NIN: variants seen among roughly 807,000 people sequenced by gnomAD.
NIN encodes glycogen synthase kinase 3 beta-interacting protein.
NIN carries 137 observed loss-of-function variants against 257.6 expected under a neutral mutation model. The ratio of observed to expected loss-of-function variants is 0.53; its 90% CI spans 0.46 to 0.61. The LOEUF (loss-of-function observed/expected upper bound fraction) is 0.61, where lower values mean the gene tolerates loss of function less well. NIN is among the 20% of genes least tolerant of loss of function. NIN has a pLI of 0.00. For missense variants in NIN, 2,439 were observed against 2,501.2 expected (o/e 0.98, Z 0.53); for synonymous variants, 918 against 919.8 (o/e 1.00, Z 0.04).
chr14:50,815,520 C>T (rs1375907887), intron 3 of NIN, among the ~76,000 whole-genome samples: 1 of 152,060 alleles, frequency 6.6e-6, no homozygotes, highest in African/African-American at 2.4e-5. Context: ...TACCATTTGA[C>T]CCAGGAATCC....
intron 14 of NIN, among the ~76,000 whole-genome samples, chr14:50,764,566 T>TC (rs2042399736): frequency 6.6e-6 from 1 of 151,938 alleles, no homozygotes; most frequent in Non-Finnish European, 1.5e-5. Context: ...ATAGCCAAAA[T>TC]CCCCCAAATG....
chr14:50,729,495 A>T, intron 29 of NIN, 28 bp downstream of exon 29: 1 of 1,584,582 alleles, frequency 6.3e-7, no homozygotes, highest in Non-Finnish European at 8.6e-7. Context: ...TTAACAGGTG[A>T]TCTACTAGAG....
intron 28 of NIN, among the ~76,000 whole-genome samples, chr14:50,731,324 G>A (rs2040684712): frequency 6.6e-6 from 1 of 151,946 alleles, no homozygotes; most frequent in African/African-American, 2.4e-5. Flanking sequence ...GGGGTCAGGA[G>A]TTCAAGACCA....
chr14:50,784,778 A>G (rs2043272446), intron 5 of NIN, among the ~76,000 whole-genome samples: 1 of 152,236 alleles, frequency 6.6e-6, no homozygotes, highest in Non-Finnish European at 1.5e-5. Context: ...AACTACAGCT[A>G]TGAGCATGAT....
At chr14:50,821,139 T>A (rs2045196472) in intron 3 of NIN, among the ~76,000 whole-genome samples, 1 of 152,208 alleles carries the variant, frequency 6.6e-6, no homozygotes. Flanking sequence ...TAAATAGCTA[T>A]TAATTATAAA....
chr14:50,801,586 C>T lies in NIN; in HGVS notation c.265+5151G>A, dbSNP rs139153029. Among the ~76,000 whole-genome samples, 54 of 152,298 alleles carry T rather than the reference C, an allele frequency of 3.5e-4. 3 individuals are homozygous for T. The East Asian group carries it at 0.01, about 29-fold the overall frequency. ...CCAGACTTCAGTGCCTAACCCAAGG[C>T]CTCTGAACATAGTTATAAACACAAA... On this transcript the variant is annotated intron_variant, in intron 4 of 30. Coordinates refer to ENST00000530997, the MANE Select transcript of NIN (RefSeq NM_020921.4).
chr14:50,805,213 CATAGCTCTATT>C (rs2044269369), intron 4 of NIN, among the ~76,000 whole-genome samples: 1 of 151,754 alleles, frequency 6.6e-6, no homozygotes, highest in Non-Finnish European at 1.5e-5. Context: ...TGATGTCAAC[CATAGCTCTATT>C]CAGGCCCCCC....
intron 14 of NIN, among the ~76,000 whole-genome samples, chr14:50,765,063 TAA>T (rs781699626): frequency 3.1e-3 from 257 of 82,054 alleles, no homozygotes; most frequent in African/African-American, 9.9e-3. Context: ...TGTCTCTACT[TAA>T]AAAAAAAAAA....
intron 5 of NIN, among the ~76,000 whole-genome samples, chr14:50,784,809 C>T (rs1468892630): frequency 6.6e-6 from 1 of 152,222 alleles, no homozygotes; most frequent in Non-Finnish European, 1.5e-5. Context: ...AAGCAGTGAA[C>T]TTCCAATTCA....
At chr14:50,792,990 C>T (rs1030219284) in intron 4 of NIN, 109 bp from the exon 5 acceptor site, 15 of 1,078,190 alleles carry the variant, frequency 1.4e-5, no homozygotes, top group Admixed American at 2.2e-5. Flanking sequence ...AAATAAACCA[C>T]CACTGTTTGC....
At chr14:50,772,814 A>C (rs1026044077) in intron 8 of NIN, 135 bp downstream of exon 8, 2 of 756,098 alleles carry the variant, frequency 2.6e-6, no homozygotes, top group Admixed American at 3.0e-5. Context: ...CTAATGGTTA[A>C]GTCTTTCTAA....
chr14:50,762,595 G>C (rs1484616429), intron 15 of NIN, among the ~76,000 whole-genome samples: 3 of 152,174 alleles, frequency 2.0e-5, no homozygotes, highest in Non-Finnish European at 2.9e-5. Context: ...GCAGTTGTGG[G>C]TAGAAATTCT....
intron 4 of NIN, among the ~76,000 whole-genome samples, chr14:50,793,327 T>C (rs2043685174): frequency 6.6e-6 from 1 of 151,934 alleles, no homozygotes; most frequent in Non-Finnish European, 1.5e-5. Flanking sequence ...CATCAATTAG[T>C]CTGAAACACC....
At chr14:50,786,454 A>G (rs1320816774) in intron 5 of NIN, among the ~76,000 whole-genome samples, 1 of 152,254 alleles carries the variant, frequency 6.6e-6, no homozygotes, top group Non-Finnish European at 1.5e-5. Flanking sequence ...AAGGCTCACC[A>G]GGACACTAAA....
chr14:50,810,123 C>A (rs948499620), intron 3 of NIN, among the ~76,000 whole-genome samples: 33 of 150,600 alleles, frequency 2.2e-4, no homozygotes, highest in South Asian at 1.7e-3. Flanking sequence ...CCCAGCTACT[C>A]GGGAGGCTGA....
chr14:50,823,451 C>T (rs928687924), intron 2 of NIN: 3 of 309,470 alleles, frequency 9.7e-6, no homozygotes, highest in African/African-American at 2.2e-5. Flanking sequence ...ACATGAAAAA[C>T]GTAAGCTAAG....
chr14:50,808,039 A>C (rs1477012798), intron 3 of NIN, among the ~76,000 whole-genome samples: 1 of 152,204 alleles, frequency 6.6e-6, no homozygotes, highest in Non-Finnish European at 1.5e-5. Context: ...TATCACATTC[A>C]AGCTAATTAA....
chr14:50,797,730 TACAG>T (rs1032426148), intron 4 of NIN, among the ~76,000 whole-genome samples: 3 of 150,598 alleles, frequency 2.0e-5, no homozygotes, highest in Admixed American at 6.6e-5. Flanking sequence ...CCAAGAAAAA[TACAG>T]ACAGAGACCA....
chr14:50,794,552 C>A, intron 4 of NIN: 1 of 773,842 alleles, frequency 1.3e-6, no homozygotes, highest in Non-Finnish European at 1.6e-6. Context: ...CAATGCAGAA[C>A]CATCCTTAAT....
Sources: gnomAD v4.1 joint callset for allele counts (sites outside exome capture counted in the v4.1 genomes callset) on GRCh38, gnomAD v4.1.1 for gene constraint, MANE v1.5 for transcripts, NCBI Gene and HGNC (gene_info 2026-07-23, HGNC 2026-07-21) for gene names.